Variants in AMBRA1 observed in about 807,000 individuals in gnomAD.
The protein encoded by AMBRA1 is autophagy and beclin 1 regulator 1, also known as activating molecule in BECN1-regulated autophagy protein 1.
A neutral mutation model predicts 125.4 loss-of-function variants in AMBRA1; 47 were observed. The observed-to-expected ratio is 0.37, with a 90% CI of 0.30 to 0.48. The LOEUF (loss-of-function observed/expected upper bound fraction) is 0.48. AMBRA1 is among the 20% of genes least tolerant of loss of function. The pLI, the probability that AMBRA1 is intolerant of heterozygous loss-of-function variation, is 0.99. For synonymous variants in AMBRA1, 626 were observed against 655.5 expected, an observed-to-expected ratio of 0.95 and a Z score of 0.69; for missense variants, 1,331 against 1,693.4, an observed-to-expected ratio of 0.79 and a Z score of 3.76.
At position 46,408,630 on chromosome 11, in the gene AMBRA1, C is replaced by A; in HGVS notation, c.3286G>T (p.Ala1096Ser). ...NAIGLQPRNP[A>S]TSVTSQGTQT... The stretch of plus-strand genomic sequence containing the variant: ...GTGCCCTGAGATGTCACTGAGGTGG[C>A]AGGGTTCCGGGGCTGAAGCCCAATG... Residue 1096 changes from alanine to serine, a missense_variant, in exon 17 of 18, where the codon GCC (alanine) becomes TCC (serine). By Grantham distance (99) the Ala-to-Ser change is moderately conservative. Coordinates refer to ENST00000683756, the MANE Select transcript of AMBRA1 (RefSeq NM_001387011.1). The A allele has an allele frequency of 1.2e-6, 2 of 1,608,960 alleles. No individual in the cohort carries two copies. The highest frequency in any genetic ancestry group is 1.7e-6 in the Non-Finnish European group (2 of 1,176,792).
At chr11:46,477,042 CAG>C (rs1374895386) in intron 11 of AMBRA1, among the ~76,000 whole-genome samples, 3 of 148,758 alleles carry the variant, frequency 2.0e-5, no homozygotes, top group African/African-American at 5.0e-5. Flanking sequence ...ACCTGGGAGA[CAG>C]AGGTTGCAGT....
At chr11:46,529,275 T>A (rs530620811) in intron 7 of AMBRA1, among the ~76,000 whole-genome samples, 13 of 152,334 alleles carry the variant, frequency 8.5e-5, no homozygotes, top group African/African-American at 3.1e-4. Flanking sequence ...GTGAGCCTCA[T>A]CCAGCAAATA....
At chr11:46,511,027 C>T (rs908858198) in intron 8 of AMBRA1, among the ~76,000 whole-genome samples, 1 of 152,176 alleles carries the variant, frequency 6.6e-6, no homozygotes, top group African/African-American at 2.4e-5. Flanking sequence ...AATACCAACA[C>T]CACGAAGTAT....
chr11:46,429,915 AATC>A (rs1320902871), intron 14 of AMBRA1, among the ~76,000 whole-genome samples: 1 of 152,096 alleles, frequency 6.6e-6, no homozygotes, highest in Non-Finnish European at 1.5e-5. Flanking sequence ...AGCAGAAGGG[AATC>A]AGACAGAAAA....
At position 46,418,277 on chromosome 11, in the gene AMBRA1, T is replaced by C. The variant is rs1946651088; in HGVS notation, c.2977-225A>G. On this transcript the variant is annotated intron_variant, in intron 14 of 17. Transcript: ENST00000683756. ...ATTTTATTATTTATATATAATATGTTTTATTATTTATATATAAATATATAA... is the reference window on the plus strand; with the variant it reads ...ATTTTATTATTTATATATAATATGTCTTATTATTTATATATAAATATATAA... Among the ~76,000 whole-genome samples the C allele has an allele frequency of 4.9e-5, 7 of 143,884 alleles. No homozygotes were observed. In the South Asian group the frequency reaches 1.5e-3, roughly 30 times the overall value. The allele number at this position is 143,884 out of a possible 152,430, so 94.4% of individuals were successfully genotyped here.
intron 2 of AMBRA1, 147 bp downstream of exon 2, chr11:46,548,099 A>G: frequency 7.6e-7 from 1 of 1,319,742 alleles, no homozygotes; most frequent in Non-Finnish European, 1.0e-6. Context: ...TAGTTCTTTC[A>G]AATTTACAAA....
chr11:46,585,177 C>A (rs2044323775), intron 1 of AMBRA1, among the ~76,000 whole-genome samples: 1 of 152,042 alleles, frequency 6.6e-6, no homozygotes, highest in African/African-American at 2.4e-5. Context: ...GTCATCACCA[C>A]TCCCTAATCT....
At chr11:46,424,052 C>T (rs925019347) in intron 14 of AMBRA1, among the ~76,000 whole-genome samples, 2 of 151,806 alleles carry the variant, frequency 1.3e-5, no homozygotes, top group African/African-American at 2.4e-5. Context: ...CATGAGCCAC[C>T]GTGCCCAGCC....
chr11:46,562,736 G>GAATT (rs145497295), intron 1 of AMBRA1, among the ~76,000 whole-genome samples: 1,823 of 151,502 alleles, frequency 0.012, 45 homozygotes, highest in African/African-American at 0.042. Context: ...GAGAAAATAT[G>GAATT]AATTCAAGAG....
intron 11 of AMBRA1, among the ~76,000 whole-genome samples, chr11:46,447,763 GATAGATA>G (rs2136771860): frequency 8.8e-6 from 1 of 113,470 alleles, no homozygotes; most frequent in African/African-American, 2.8e-5. Flanking sequence ...TAGATAGATA[GATAGATA>G]GATAGATAGT....
intron 15 of AMBRA1, 81 bp downstream of exon 15, chr11:46,417,832 A>G (rs1946611413): frequency 6.9e-7 from 1 of 1,442,022 alleles, no homozygotes; most frequent in East Asian, 2.5e-5. Context: ...TTCCCTTCTA[A>G]AAGACCCCAG....
At chr11:46,403,270 C>A (rs1385726471) in intron 17 of AMBRA1, among the ~76,000 whole-genome samples, 1 of 152,200 alleles carries the variant, frequency 6.6e-6, no homozygotes, top group East Asian at 1.9e-4. Flanking sequence ...GGAGGAGCTG[C>A]CCTTCCTGAC....
chr11:46,581,677 G>A (rs1233548299), intron 1 of AMBRA1, among the ~76,000 whole-genome samples: 4 of 151,786 alleles, frequency 2.6e-5, no homozygotes, highest in Non-Finnish European at 5.9e-5. Context: ...GCACGTGCCT[G>A]TAGTGCCAGC....
At chr11:46,432,796 G>C (rs1466819835) in intron 14 of AMBRA1, among the ~76,000 whole-genome samples, 1 of 152,234 alleles carries the variant, frequency 6.6e-6, no homozygotes. Context: ...TCTAATTAGA[G>C]AACTGTTCAA....
At chr11:46,589,721 G>A (rs2044524040) in intron 1 of AMBRA1, among the ~76,000 whole-genome samples, 3 of 151,790 alleles carry the variant, frequency 2.0e-5, no homozygotes, top group Admixed American at 6.6e-5. Flanking sequence ...CCGGGTTCAC[G>A]CCATTCTCCT....
chr11:46,438,338 A>C (rs1186012376), intron 12 of AMBRA1, among the ~76,000 whole-genome samples: 2 of 152,244 alleles, frequency 1.3e-5, no homozygotes, highest in Admixed American at 6.5e-5. Flanking sequence ...TTCCAAGTGA[A>C]AATGCCCTAG....
intron 11 of AMBRA1, among the ~76,000 whole-genome samples, chr11:46,463,754 C>T (rs1383135433): frequency 6.6e-6 from 1 of 152,138 alleles, no homozygotes; most frequent in African/African-American, 2.4e-5. Context: ...GTACTCGGGG[C>T]CCTAAGAAAT....
chr11:46,407,609 G>C (rs1187398968), intron 17 of AMBRA1, among the ~76,000 whole-genome samples: 1 of 152,256 alleles, frequency 6.6e-6, no homozygotes, highest in East Asian at 1.9e-4. Context: ...ACAGACCAAA[G>C]AGGGACTTCA....
At chr11:46,431,792 C>G (rs1196385924) in intron 14 of AMBRA1, among the ~76,000 whole-genome samples, 1 of 152,194 alleles carries the variant, frequency 6.6e-6, no homozygotes, top group African/African-American at 2.4e-5. Flanking sequence ...AACTTCCATC[C>G]TCAAATATCT....
Sources: allele counts gnomAD v4.1 joint callset (sites outside exome capture counted in the v4.1 genomes callset), GRCh38; gene constraint gnomAD v4.1.1; transcripts MANE v1.5; gene names NCBI Gene and HGNC (gene_info 2026-07-23, HGNC 2026-07-21).